SLF1: variants seen among roughly 807,000 people sequenced by gnomAD.
The protein encoded by SLF1 is SMC5-SMC6 complex localization factor protein 1.
In SLF1, 105 loss-of-function variants were observed where a neutral mutation model predicts 123.0. That is an observed-to-expected ratio of 0.85 (90% CI 0.73 to 1.00). SLF1 has a LOEUF of 1.00. Ranked by LOEUF, SLF1 falls within the 50% of genes least tolerant of loss-of-function variation. The probability of loss-of-function intolerance (pLI) is 0.00; values close to 1 mark genes in which losing one functional copy is unlikely to be tolerated. For synonymous variants in SLF1, 434 were observed against 406.6 expected (o/e 1.07, Z -0.81); for missense variants, 1,239 against 1,223.0 (o/e 1.01, Z -0.20).
intron 15 of SLF1, among the ~76,000 whole-genome samples, chr5:94,679,165 T>A (rs553137852): frequency 2.6e-5 from 4 of 152,336 alleles, no homozygotes; most frequent in African/African-American, 9.6e-5. Flanking sequence ...TAACTGCTGT[T>A]AACTTTTTAA....
intron 1 of SLF1, among the ~76,000 whole-genome samples, chr5:94,621,164 A>G (rs1166927880): frequency 1.3e-5 from 2 of 152,140 alleles, no homozygotes; most frequent in Non-Finnish European, 2.9e-5. Context: ...CTTTTGTGTT[A>G]GCTGAAAGTA....
At chr5:94,664,280 A>T (rs970845567) in intron 11 of SLF1, among the ~76,000 whole-genome samples, 1 of 152,194 alleles carries the variant, frequency 6.6e-6, no homozygotes, top group South Asian at 2.1e-4. Flanking sequence ...TATAGTATAC[A>T]TAATGAACAT....
intron 1 of SLF1, among the ~76,000 whole-genome samples, chr5:94,623,734 G>A (rs1404464197): frequency 6.6e-6 from 1 of 151,938 alleles, no homozygotes; most frequent in Admixed American, 6.6e-5. Flanking sequence ...AATTGTCTGG[G>A]TTATTGATAT....
intron 15 of SLF1, among the ~76,000 whole-genome samples, chr5:94,684,512 C>T (rs895895348): frequency 6.6e-6 from 1 of 151,864 alleles, no homozygotes; most frequent in Admixed American, 6.6e-5. Context: ...TCCTGGCTAA[C>T]ACGGTGAAAC....
At chr5:94,638,685 A>C (rs978679886) in intron 4 of SLF1, among the ~76,000 whole-genome samples, 4 of 152,200 alleles carry the variant, frequency 2.6e-5, no homozygotes, top group African/African-American at 9.6e-5. Flanking sequence ...AACTTGGGTA[A>C]GGGAGAGGTG....
chr5:94,623,259 A>AC (rs1791952868), intron 1 of SLF1, among the ~76,000 whole-genome samples: 1 of 152,168 alleles, frequency 6.6e-6, no homozygotes, highest in Non-Finnish European at 1.5e-5. Flanking sequence ...TACCACAGAG[A>AC]CAGTTGCTTG....
chr5:94,691,647 A>C lies in SLF1; in HGVS notation c.2503A>C (p.Asn835His). 6.2e-7 allele frequency: 1 copy of C among 1,608,066 alleles called. No homozygotes were observed. Among genetic ancestry groups the C allele is most frequent in the Non-Finnish European group, 8.5e-7 (1 of 1,177,584 alleles). ...LLLSLPGIDI[N>H]VKDNAGWTPL... The stretch of plus-strand genomic sequence containing the variant: ...TCTCTCTTTGCCAGGAATAGACATC[A>C]ATGTTAAAGGTAAGTTTTAAATCTT... Residue 835 changes from asparagine (N) to histidine (H), a missense_variant, in exon 19 of 21, where the codon AAT (asparagine) becomes CAT (histidine). Asn to His is a moderately conservative substitution (Grantham distance 68, BLOSUM62 1). Transcript: ENST00000265140.
chr5:94,659,859 C>T (rs1439495618), intron 9 of SLF1, among the ~76,000 whole-genome samples: 4 of 151,956 alleles, frequency 2.6e-5, no homozygotes, highest in Non-Finnish European at 4.4e-5. Context: ...AGTGGGTCCT[C>T]AGGTCTCTGG....
At chr5:94,688,702 T>C in intron 17 of SLF1, 33 bp downstream of exon 17, 1 of 1,609,028 alleles carries the variant, frequency 6.2e-7, no homozygotes, top group Non-Finnish European at 8.5e-7. Context: ...CTGTGCTTTG[T>C]TTTGGAGTAC....
At chr5:94,670,650 A>G (rs972027927) in intron 13 of SLF1, among the ~76,000 whole-genome samples, 193 bp from the exon 14 acceptor site, 2 of 151,884 alleles carry the variant, frequency 1.3e-5, no homozygotes, top group Admixed American at 6.6e-5. Flanking sequence ...TACTGTGTAT[A>G]TATACATTGT....
In SLF1 at chr5:94,695,341, T is replaced by C; in HGVS notation, c.*29T>C. On this transcript the variant is annotated 3_prime_UTR_variant, in exon 21 of 21. Coordinates refer to ENST00000265140, the MANE Select transcript of SLF1 (RefSeq NM_032290.4). ...TGCTAGAAAGTATGGATTGACTTTC[T>C]AAATCTGTTCAGTTTGCATTGGTAC... The C allele has an allele frequency of 6.4e-7, 1 of 1,572,308 alleles. No homozygotes were observed. Among genetic ancestry groups the C allele is most frequent in the East Asian group, 2.2e-5 (1 of 44,480 alleles).
At chr5:94,621,777 G>GTCA (rs1561413036) in intron 1 of SLF1, among the ~76,000 whole-genome samples, 1 of 151,958 alleles carries the variant, frequency 6.6e-6, no homozygotes, top group Non-Finnish European at 1.5e-5. Context: ...CGCTAAATTT[G>GTCA]TCATCAGAGG....
chr5:94,682,947 A>G (rs1751987474), intron 15 of SLF1, among the ~76,000 whole-genome samples: 1 of 152,212 alleles, frequency 6.6e-6, no homozygotes, highest in Non-Finnish European at 1.5e-5. Flanking sequence ...AAGCAGCCAT[A>G]GACAATACAT....
intron 13 of SLF1, 22 bp from the exon 14 acceptor site, chr5:94,670,821 T>A (rs758642930): frequency 6.6e-7 from 1 of 1,524,208 alleles, no homozygotes; most frequent in South Asian, 1.2e-5. Flanking sequence ...AAAGATATAC[T>A]TTTTGTTTAT....
chr5:94,685,718 C>T (rs975942390), intron 15 of SLF1, among the ~76,000 whole-genome samples: 4 of 151,718 alleles, frequency 2.6e-5, no homozygotes, highest in Non-Finnish European at 4.4e-5. Flanking sequence ...ACCTGTAGTC[C>T]CAGCTACTTG....
chr5:94,695,457 T>TA lies in SLF1; in HGVS notation c.*152dup. On this transcript the variant is annotated 3_prime_UTR_variant, in exon 21 of 21. Coordinates refer to ENST00000265140, the MANE Select transcript of SLF1 (RefSeq NM_032290.4). The stretch of plus-strand genomic sequence containing the variant: ...CCTTGCTAAATTTTAAAAGCATTTT[T>TA]AAAAAAACTTCTACAAAACTCTAGT... The TA allele has an allele frequency of 6.8e-6, 7 of 1,034,922 alleles. No homozygotes were observed. The highest frequency in any genetic ancestry group is 7.8e-6 in the Non-Finnish European group (6 of 766,738). 64.1% of individuals were successfully genotyped at this position (1,034,922 alleles called of 1,614,324 possible).
At chr5:94,638,017 C>G (rs1345524067) in intron 4 of SLF1, among the ~76,000 whole-genome samples, 1 of 151,994 alleles carries the variant, frequency 6.6e-6, no homozygotes. Context: ...TCTAGAGATT[C>G]CCGCCAGGTA....
At chr5:94,687,480 T>G (rs1221803841) in intron 16 of SLF1, among the ~76,000 whole-genome samples, 1 of 152,146 alleles carries the variant, frequency 6.6e-6, no homozygotes, top group Non-Finnish European at 1.5e-5. Context: ...GAGGATCCCT[T>G]GAGCCCAGGA....
intron 7 of SLF1, 44 bp from the exon 8 acceptor site, chr5:94,653,228 A>G: frequency 7.0e-7 from 1 of 1,432,784 alleles, no homozygotes; most frequent in Non-Finnish European, 9.3e-7. Flanking sequence ...TTTGTAACAT[A>G]TGTCATTGAT....
Sources: gnomAD v4.1 joint callset for allele counts (sites outside exome capture counted in the v4.1 genomes callset) on GRCh38, gnomAD v4.1.1 for gene constraint, MANE v1.5 for transcripts, NCBI Gene and HGNC (gene_info 2026-07-23, HGNC 2026-07-21) for gene names.